The following GSG1L2 variants were observed in gnomAD, a reference collection of about 807,000 sequenced individuals.
The protein encoded by GSG1L2 is GSG1 like 2, also known as germ cell-specific gene 1-like protein 2.
In GSG1L2, 15 loss-of-function variants were observed where a neutral mutation model predicts 9.0. That is an observed-to-expected ratio of 1.67 (90% CI 1.12 to 2.57). The LOEUF is 2.57. GSG1L2 is among the 30% of genes most tolerant of loss of function. GSG1L2 has a pLI of 0.00. For missense variants in GSG1L2, 286 were observed against 150.3 expected (o/e 1.90, Z -4.72); for synonymous variants, 127 against 57.9 (o/e 2.19, Z -5.41).
At position 9,801,861 on chromosome 17, in the gene GSG1L2, A is replaced by G. The variant is rs181556290; in HGVS notation, c.*525T>C. 5.8e-3 allele frequency among the ~76,000 whole-genome samples: 888 copies of G among 152,350 alleles called. 8 individuals carry two copies. The highest frequency in any genetic ancestry group is 8.5e-3 in the Non-Finnish European group (578 of 68,026). On this transcript the variant is annotated 3_prime_UTR_variant, in exon 5 of 5. Transcript: ENST00000399363. ...CAAAATTTCCAAGAAAAAATATTTT[A>G]AAAAATAACAGGAAACATATTTTGA...
chr17:9,816,645 CTG>C (rs1205236204), intron 1 of GSG1L2, among the ~76,000 whole-genome samples: 9 of 93,430 alleles, frequency 9.6e-5, no homozygotes, highest in Non-Finnish European at 1.0e-4. Context: ...GTGTGCGTGT[CTG>C]TGTGTGTCTG....
chr17:9,802,595 T>C lies in GSG1L2; in HGVS notation c.673A>G (p.Met225Val). The change falls in exon 5 of 5, where the codon ATG becomes GTG. Residue 225 changes from methionine (M) to valine (V), a missense_variant. Coordinates refer to ENST00000399363, the MANE Select transcript of GSG1L2 (RefSeq NM_001310219.2). The part of the protein sequence containing the change: ...ALCLAVSVSA[M>V]SRFTAARLEF... ...AGGCGGGCTGCCGTGAACCTGCTCA[T>C]GGCCGAGACCGACACAGCCAGGCAG... 4.3e-6 allele frequency: 3 copies of C among 702,310 alleles called. No homozygotes were observed. Among genetic ancestry groups the C allele is most frequent in the Non-Finnish European group, 7.8e-6 (3 of 384,800 alleles). 43.5% of individuals were successfully genotyped at this position (702,310 alleles called of 1,614,324 possible).
intron 4 of GSG1L2, chr17:9,805,042 G>C (rs775591609): frequency 2.0e-5 from 3 of 151,928 alleles, no homozygotes; most frequent in Non-Finnish European, 4.4e-5. Context: ...AAGGCTGGAA[G>C]ACAAGTAGAG....
intron 4 of GSG1L2, among the ~76,000 whole-genome samples, chr17:9,803,393 G>A (rs9904244): frequency 0.018 from 2,673 of 152,258 alleles, 85 homozygotes; most frequent in African/African-American, 0.061. Flanking sequence ...ATGAGCCACC[G>A]CGCCCGACCA....
intron 3 of GSG1L2, 87 bp downstream of exon 3, chr17:9,808,743 G>A: frequency 6.1e-6 from 4 of 654,934 alleles, no homozygotes; most frequent in Admixed American, 4.4e-5. Context: ...GAAAGAGCCA[G>A]CCTGTTCTTT....
intron 1 of GSG1L2, among the ~76,000 whole-genome samples, chr17:9,811,935 C>T (rs967100971): frequency 6.6e-6 from 1 of 152,118 alleles, no homozygotes; most frequent in African/African-American, 2.4e-5. Flanking sequence ...TGTTTTTTTC[C>T]CATTGACTCT....
chr17:9,810,332 C>T (rs966014158), intron 2 of GSG1L2: 10 of 570,204 alleles, frequency 1.8e-5, no homozygotes, highest in African/African-American at 1.7e-4. Flanking sequence ...CCATGGAACA[C>T]GGCCAGTGCT....
chr17:9,812,290 A>G (rs1597942402), intron 1 of GSG1L2, among the ~76,000 whole-genome samples: 1 of 151,488 alleles, frequency 6.6e-6, no homozygotes, highest in Non-Finnish European at 1.5e-5. Context: ...AGGAGAGAAA[A>G]CCCCAAGTAA....
intron 4 of GSG1L2, chr17:9,803,638 A>G (rs982639681): frequency 6.6e-5 from 10 of 152,236 alleles, no homozygotes; most frequent in Non-Finnish European, 1.5e-4. Flanking sequence ...CTAACCAGAG[A>G]CACTTCCCAA....
intron 1 of GSG1L2, 21 bp downstream of exon 1, chr17:9,821,741 G>A (rs1165950388): frequency 1.4e-6 from 1 of 700,050 alleles, no homozygotes; most frequent in Admixed American, 2.0e-5. Flanking sequence ...GTCTTCCCCA[G>A]AATCTACAGG....
Position 9,808,847 on chromosome 17 carries a change from A to T in GSG1L2, c.494T>A (p.Ile165Asn), listed in dbSNP as rs756925200. 2.1e-5 allele frequency: 15 copies of T among 702,748 alleles called. No homozygotes were observed. In the South Asian group the frequency reaches 2.2e-4, roughly 10 times the overall value. 43.5% of individuals were successfully genotyped at this position (702,748 alleles called of 1,614,324 possible). The part of the protein sequence containing the change: ...HWLRVDALVA[I>N]FMVLAGLLGM... ...GAAAGTACCTGCCAGCACCATGAAG[A>T]TGGCTACCAAGGCATCCACCCTGAG... Residue 165 changes from isoleucine (I) to asparagine (N), a missense_variant, in exon 3 of 5, where the codon ATC becomes AAC. Transcript: ENST00000399363.
At chr17:9,805,884 C>A (rs1255804165) in intron 4 of GSG1L2, among the ~76,000 whole-genome samples, 1 of 152,162 alleles carries the variant, frequency 6.6e-6, no homozygotes, top group Non-Finnish European at 1.5e-5. Flanking sequence ...CGCCACTAAA[C>A]TCCTGGCTTC....
chr17:9,813,090 G>A (rs1290783214), intron 1 of GSG1L2, among the ~76,000 whole-genome samples: 2 of 152,166 alleles, frequency 1.3e-5, no homozygotes, highest in Non-Finnish European at 1.5e-5. Flanking sequence ...AACCTGGGGA[G>A]GGGACACAAA....
chr17:9,817,958 C>T (rs1354120497), intron 1 of GSG1L2, among the ~76,000 whole-genome samples: 1 of 152,124 alleles, frequency 6.6e-6, no homozygotes, highest in Non-Finnish European at 1.5e-5. Flanking sequence ...CTGCCTGGAA[C>T]GTTCTCATCC....
Position 9,802,554 on chromosome 17 carries a change from C to T in GSG1L2, c.714G>A (p.Lys238=), listed in dbSNP as rs143564987. The T allele has an allele frequency of 0.012, 8,628 of 702,904 alleles. 75 individuals carry two copies. The highest frequency in any genetic ancestry group is 0.017 in the Non-Finnish European group (6,492 of 384,972). 43.5% of individuals were successfully genotyped at this position (702,904 alleles called of 1,614,324 possible). A position where few individuals can be genotyped will look rare whatever the true frequency, so the allele number is the denominator to read the frequency against. ...FTAARLEFTE[K]QQAQNGSRHS... ...GCCGACTGCCGTTCTGTGCCTGCTG[C>T]TTCTCGGTGAATTCCAGGCGGGCTG... Residue 238 remains lysine, a synonymous_variant, in exon 5 of 5, where the codon AAG becomes AAA. Coordinates refer to ENST00000399363, the MANE Select transcript of GSG1L2 (RefSeq NM_001310219.2).
intron 1 of GSG1L2, among the ~76,000 whole-genome samples, chr17:9,818,670 C>T (rs533352785): frequency 1.3e-4 from 19 of 151,948 alleles, no homozygotes; most frequent in African/African-American, 3.9e-4. Flanking sequence ...GACCAGATCC[C>T]GTGAGAAATC....
At chr17:9,819,189 TG>T (rs2066579606) in intron 1 of GSG1L2, among the ~76,000 whole-genome samples, 1 of 152,176 alleles carries the variant, frequency 6.6e-6, no homozygotes, top group Admixed American at 6.5e-5. Flanking sequence ...GAAGAGGCAA[TG>T]GGCAACTCCA....
rs796443583 is a variant in GSG1L2 at position 9,816,872 on chromosome 17, G to C, written c.310+4890C>G. On this transcript the variant is annotated intron_variant, in intron 1 of 4. Transcript: ENST00000399363. ...TCTGTGTATCTGTATGTGTGTGTCT[G>C]TGTGTGTATCTGTGTGTGTGTATCT... Among the ~76,000 whole-genome samples the C allele has an allele frequency of 8.9e-3, 1,206 of 134,774 alleles. 46 individuals are homozygous for C. Among genetic ancestry groups the C allele is most frequent in the African/African-American group, 0.035 (1,133 of 32,026 alleles). The allele number at this position is 134,774 out of a possible 152,430, so 88.4% of individuals were successfully genotyped here.
Position 9,810,620 on chromosome 17 carries a change from T to C in GSG1L2, c.311-2A>G. Reference sequence around the variant, plus strand: ...TCCGGAAACTCCTACACTTTTCATCTGAAAGATAAAGAGAATGCATCCAGA... The same window carrying C: ...TCCGGAAACTCCTACACTTTTCATCCGAAAGATAAAGAGAATGCATCCAGA... On this transcript the variant is annotated splice_acceptor_variant, in intron 1 of 4. Transcript: ENST00000399363. LOFTEE classifies it high-confidence loss of function. 1 of 703,018 alleles carries C rather than the reference T, an allele frequency of 1.4e-6. No homozygotes were observed. The highest frequency in any genetic ancestry group is 1.5e-5 in the South Asian group (1 of 67,600). 43.5% of individuals were successfully genotyped at this position (703,018 alleles called of 1,614,324 possible).
Sources: allele counts gnomAD v4.1 joint callset (sites outside exome capture counted in the v4.1 genomes callset), GRCh38; gene constraint gnomAD v4.1.1; transcripts MANE v1.5; gene names NCBI Gene and HGNC (gene_info 2026-07-23, HGNC 2026-07-21).